The following ST6GALNAC5 variants were observed in gnomAD, a reference collection of about 807,000 sequenced individuals.
ST6GALNAC5 encodes the protein alpha-N-acetylgalactosaminide alpha-2,6-sialyltransferase 5.
Under a neutral mutation model 33.6 loss-of-function variants are expected in ST6GALNAC5, and 27 were observed. That is an observed-to-expected ratio of 0.80 (90% CI 0.59 to 1.11). The LOEUF (loss-of-function observed/expected upper bound fraction) is 1.11, where lower values mean the gene tolerates loss of function less well. Ranked by LOEUF, ST6GALNAC5 falls within the 50% of genes least tolerant of loss-of-function variation. The probability of loss-of-function intolerance (pLI) is 0.00; values close to 1 mark genes in which losing one functional copy is unlikely to be tolerated. For synonymous variants in ST6GALNAC5, 194 were observed against 171.2 expected (o/e 1.13, Z -1.04); for missense variants, 428 against 454.0 (o/e 0.94, Z 0.52).
intron 3 of ST6GALNAC5, among the ~76,000 whole-genome samples, chr1:77,047,418 A>G (rs902971323): frequency 1.3e-5 from 2 of 152,252 alleles, no homozygotes; most frequent in African/African-American, 4.8e-5. Context: ...CATATGATAC[A>G]TAAAGTACAG....
intron 2 of ST6GALNAC5, among the ~76,000 whole-genome samples, chr1:76,874,024 G>A (rs114431569): frequency 1.0e-3 from 157 of 152,232 alleles, no homozygotes; most frequent in African/African-American, 3.7e-3. Context: ...TTTGAAATCA[G>A]GAAGCAATAA....
chr1:76,891,270 T>C (rs930877071), intron 2 of ST6GALNAC5, among the ~76,000 whole-genome samples: 6 of 152,218 alleles, frequency 3.9e-5, no homozygotes, highest in African/African-American at 1.4e-4. Context: ...ATCATCTCTC[T>C]TTTTAAATCT....
intron 2 of ST6GALNAC5, among the ~76,000 whole-genome samples, chr1:76,871,080 C>T (rs1172657211): frequency 6.6e-6 from 1 of 152,176 alleles, no homozygotes; most frequent in Non-Finnish European, 1.5e-5. Context: ...CCAAAAGTTC[C>T]TGTTTAATTA....
At chr1:77,039,432 C>T (rs997606825) in intron 2 of ST6GALNAC5, among the ~76,000 whole-genome samples, 5 of 152,220 alleles carry the variant, frequency 3.3e-5, no homozygotes, top group African/African-American at 4.8e-5. Flanking sequence ...CCACAGCCTC[C>T]TCTGCAGACA....
chr1:76,943,301 G>A (rs76156025), intron 2 of ST6GALNAC5, among the ~76,000 whole-genome samples: 1 of 152,086 alleles, frequency 6.6e-6, no homozygotes, highest in East Asian at 1.9e-4. Context: ...TTGGCTCTAG[G>A]GTCCACAGTC....
intron 3 of ST6GALNAC5, among the ~76,000 whole-genome samples, chr1:77,050,050 A>G (rs954303471): frequency 6.6e-6 from 1 of 152,238 alleles, no homozygotes; most frequent in Non-Finnish European, 1.5e-5. Flanking sequence ...ATTCAGCATG[A>G]GCATTAACAT....
chr1:77,063,353 A>G lies in ST6GALNAC5; in HGVS notation c.*147A>G. The stretch of plus-strand genomic sequence containing the variant: ...CATGGACAGACGCCTACCAGGGGTG[A>G]CAAAGCAGTGCAGTTGGATTGTAAG... On this transcript the variant is annotated 3_prime_UTR_variant, in exon 5 of 5. Transcript: ENST00000477717. 1.5e-6 allele frequency: 1 copy of G among 678,686 alleles called. No homozygotes were observed. The highest frequency in any genetic ancestry group is 2.5e-6 in the Non-Finnish European group (1 of 402,214). The allele number at this position is 678,686 out of a possible 1,614,324, so 42.0% of individuals were successfully genotyped here.
At chr1:76,899,243 G>A (rs1220043166) in intron 2 of ST6GALNAC5, among the ~76,000 whole-genome samples, 2 of 152,034 alleles carry the variant, frequency 1.3e-5, no homozygotes, top group Admixed American at 6.5e-5. Flanking sequence ...GGGAGAAGAA[G>A]GAGGAATGGA....
chr1:77,000,718 A>T (rs1195236464), intron 2 of ST6GALNAC5, among the ~76,000 whole-genome samples: 2 of 150,474 alleles, frequency 1.3e-5, no homozygotes, highest in Non-Finnish European at 3.0e-5. Context: ...ATGGCTAGCC[A>T]GTTTTCCCAG....
At chr1:76,874,267 GTC>G in intron 2 of ST6GALNAC5, among the ~76,000 whole-genome samples, 1 of 152,182 alleles carries the variant, frequency 6.6e-6, no homozygotes, top group Middle Eastern at 3.4e-3. Context: ...TCAAAATATT[GTC>G]TCTTTATGAT....
intron 2 of ST6GALNAC5, among the ~76,000 whole-genome samples, chr1:76,909,418 TA>T (rs1646891670): frequency 6.6e-6 from 1 of 152,064 alleles, no homozygotes; most frequent in Non-Finnish European, 1.5e-5. Context: ...AAGTATTACA[TA>T]AAATATAATG....
intron 2 of ST6GALNAC5, among the ~76,000 whole-genome samples, chr1:77,043,581 AT>A (rs1358383839): frequency 6.6e-6 from 1 of 152,236 alleles, no homozygotes; most frequent in African/African-American, 2.4e-5. Flanking sequence ...CTTCAAAATT[AT>A]GGCCTCTAAG....
At chr1:77,008,951 C>T (rs548495389) in intron 2 of ST6GALNAC5, among the ~76,000 whole-genome samples, 8 of 151,958 alleles carry the variant, frequency 5.3e-5, no homozygotes, top group African/African-American at 1.7e-4. Context: ...TTTGAACCAC[C>T]CTAGCACCAA....
chr1:77,041,413 C>G (rs1651826832), intron 2 of ST6GALNAC5, among the ~76,000 whole-genome samples: 1 of 152,168 alleles, frequency 6.6e-6, no homozygotes, highest in African/African-American at 2.4e-5. Context: ...TTGGCCATTA[C>G]TTTTAATGGC....
intron 2 of ST6GALNAC5, among the ~76,000 whole-genome samples, chr1:76,973,803 G>A (rs953493777): frequency 1.1e-4 from 16 of 152,096 alleles, no homozygotes; most frequent in Non-Finnish European, 1.6e-4. Context: ...TCCAAATATT[G>A]TGGATTCAAT....
chr1:76,888,260 A>C (rs1315901070), intron 2 of ST6GALNAC5, among the ~76,000 whole-genome samples: 1 of 152,066 alleles, frequency 6.6e-6, no homozygotes. Flanking sequence ...CTTAAAATGC[A>C]GATTCTGAAT....
At chr1:77,007,381 A>G (rs1303528432) in intron 2 of ST6GALNAC5, among the ~76,000 whole-genome samples, 1 of 152,178 alleles carries the variant, frequency 6.6e-6, no homozygotes, top group Non-Finnish European at 1.5e-5. Flanking sequence ...ATAAATACTT[A>G]TTGTGAATCT....
intron 2 of ST6GALNAC5, among the ~76,000 whole-genome samples, chr1:77,005,729 G>GT (rs1442553897): frequency 1.1e-4 from 16 of 152,070 alleles, no homozygotes; most frequent in African/African-American, 3.9e-4. Context: ...TCAGCCCTTG[G>GT]TAACCACTAT....
At position 77,067,446 on chromosome 1, in the gene ST6GALNAC5, C is replaced by T. The variant is rs141792405; in HGVS notation, c.*4240C>T. 1.1e-4 allele frequency among the ~76,000 whole-genome samples: 16 copies of T among 152,282 alleles called. No individual in the cohort carries two copies. Among genetic ancestry groups the T allele is most frequent in the African/African-American group, 3.9e-4 (16 of 41,556 alleles). ...AATTAGATTGTAAGCTCCTTGAGGG[C>T]AGAGACTCTTTCTCCTTTGTCTCTG... On this transcript the variant is annotated 3_prime_UTR_variant, in exon 5 of 5. Transcript: ENST00000477717.
Sources: allele counts gnomAD v4.1 joint callset (sites outside exome capture counted in the v4.1 genomes callset), GRCh38; gene constraint gnomAD v4.1.1; transcripts MANE v1.5; gene names NCBI Gene and HGNC (gene_info 2026-07-23, HGNC 2026-07-21).